DGKK: variants seen among roughly 807,000 people sequenced by gnomAD.
The protein encoded by DGKK is diacylglycerol kinase kappa.
DGKK carries 35 observed loss-of-function variants against 92.2 expected under a neutral mutation model. The observed-to-expected ratio is 0.38, with a 90% confidence interval of 0.29 to 0.50. DGKK has a LOEUF of 0.50. DGKK is among the 20% of genes least tolerant of loss of function. The probability of loss-of-function intolerance (pLI) is 0.92; values close to 1 mark genes in which losing one functional copy is unlikely to be tolerated. For missense variants in DGKK, 910 were observed against 992.2 expected (o/e 0.92, Z 1.11); for synonymous variants, 368 against 360.6 (o/e 1.02, Z -0.23).
intron 8 of DGKK, among the ~76,000 whole-genome samples, chrX:50,393,920 A>C (rs1924767505): frequency 8.9e-6 from 1 of 112,532 alleles, no homozygotes; most frequent in African/African-American, 3.2e-5. Context: ...GTTGCAGAGC[A>C]ATCTGTGTTA....
At chrX:50,417,775 C>T (rs1484154305) in intron 4 of DGKK, among the ~76,000 whole-genome samples, 2 of 110,621 alleles carry the variant, frequency 1.8e-5, no homozygotes, top group Non-Finnish European at 3.8e-5. Context: ...CTAACCCATC[C>T]TGTATTTCTA....
Position 50,393,351 on chromosome X carries a change from G to A in DGKK, c.1412-16C>T. ...ACTAATTGGCCTGACACAACGAAAA[G>A]AAAAAGAAGAAAAAAAAGAACGGAC... On this transcript the variant is annotated splice_polypyrimidine_tract_variant and intron_variant, in intron 8 of 27. Coordinates refer to ENST00000611977, the MANE Select transcript of DGKK (RefSeq NM_001013742.4). The A allele has an allele frequency of 5.2e-6, 6 of 1,157,371 alleles. No individual in the cohort carries two copies. The highest frequency in any genetic ancestry group is 2.5e-5 in the Admixed American group (1 of 40,221).
intron 1 of DGKK, among the ~76,000 whole-genome samples, chrX:50,448,446 T>G (rs1313721315): frequency 9.0e-6 from 1 of 110,956 alleles, no homozygotes; most frequent in Non-Finnish European, 1.9e-5. Context: ...AGGACTTGAC[T>G]AAAAGACATA....
chrX:50,420,849 A>C (rs782107792), intron 3 of DGKK, among the ~76,000 whole-genome samples: 1 of 111,880 alleles, frequency 8.9e-6, no homozygotes, highest in South Asian at 3.8e-4. Flanking sequence ...CCAAGACAAA[A>C]AGAGTTAAAT....
chrX:50,420,409 A>C lies in DGKK; in HGVS notation c.936T>G (p.Ile312Met). The C allele has an allele frequency of 8.3e-7, 1 of 1,207,456 alleles. No homozygotes were observed. The highest frequency in any genetic ancestry group is 1.1e-6 in the Non-Finnish European group (1 of 892,654). The part of the protein sequence containing the change: ...NIIKTIQQGE[I>M]YKIPAAENNP... ...TCTCTACTAGTTTTCTTACCTTATA[A>C]ATTTCTCCCTGTTGGATGGTTTTTA... is the stretch of plus-strand genomic sequence containing the variant. The change falls in exon 4 of 28, where the codon ATT (isoleucine) becomes ATG (methionine). Residue 312 changes from isoleucine (I) to methionine (M), a missense_variant. Coordinates refer to ENST00000611977, the MANE Select transcript of DGKK (RefSeq NM_001013742.4).
At chrX:50,445,462 G>A (rs868971155) in intron 1 of DGKK, among the ~76,000 whole-genome samples, 2 of 111,047 alleles carry the variant, frequency 1.8e-5, no homozygotes, top group Non-Finnish European at 3.8e-5. Context: ...TTTGTATATG[G>A]TGTAAGGAAG....
At chrX:50,409,745 C>T (rs183834767) in intron 4 of DGKK, among the ~76,000 whole-genome samples, 9 of 111,524 alleles carry the variant, frequency 8.1e-5, no homozygotes, top group African/African-American at 2.9e-4. Context: ...TTGTGTACCC[C>T]CTTCATATCA....
intron 1 of DGKK, among the ~76,000 whole-genome samples, chrX:50,439,391 T>G (rs1926114618): frequency 8.9e-6 from 1 of 111,739 alleles, no homozygotes; most frequent in Non-Finnish European, 1.9e-5. Flanking sequence ...CAATTTTATC[T>G]GTAAAAATAC....
chrX:50,464,298 TA>T (rs1191305794), intron 1 of DGKK, among the ~76,000 whole-genome samples: 6 of 109,897 alleles, frequency 5.5e-5, no homozygotes, highest in East Asian at 2.8e-4. Flanking sequence ...TTTTAAATCT[TA>T]AAAAAAATTG....
intron 1 of DGKK, among the ~76,000 whole-genome samples, chrX:50,464,790 C>T (rs1926852592): frequency 9.0e-6 from 1 of 111,088 alleles, no homozygotes; most frequent in African/African-American, 3.3e-5. Context: ...AATTTACATA[C>T]CATAAAATTC....
rs782409249 is a variant in DGKK, at chrX:50,387,556, T to A, written c.2116A>T (p.Lys706Ter). The change falls in exon 14 of 28, where the codon AAA (lysine) becomes TAA (stop). Residue 706 changes from lysine (K) to a stop codon, truncating the protein, a stop_gained and splice_region_variant. Coordinates refer to ENST00000611977, the MANE Select transcript of DGKK (RefSeq NM_001013742.4). LOFTEE classifies it high-confidence loss of function. ...AGACAAAAGGAATGGGAACTTACTT[T>A]CAAAATCACAGACACTATTGCAGTG... ...NNTAIVSVIL[K>*]SDLMYDRLSV... 1 of 1,198,394 alleles carries A rather than the reference T, an allele frequency of 8.3e-7. No homozygotes were observed. The highest frequency in any genetic ancestry group is 1.8e-5 in the South Asian group (1 of 56,234).
chrX:50,380,216 C>T (rs782521985), intron 18 of DGKK, 139 bp from the exon 19 acceptor site: 53 of 480,394 alleles, frequency 1.1e-4, no homozygotes, highest in South Asian at 1.1e-4. Context: ...AACTGGACAG[C>T]GGTTAATGTA....
At chrX:50,433,960 G>A (rs939099688) in intron 1 of DGKK, among the ~76,000 whole-genome samples, 1 of 111,446 alleles carries the variant, frequency 9.0e-6, no homozygotes, top group African/African-American at 3.3e-5. Context: ...CATAAAAAGT[G>A]ACAAAGCAAT....
chrX:50,450,571 T>C (rs1418401507), intron 1 of DGKK, among the ~76,000 whole-genome samples: 2 of 112,050 alleles, frequency 1.8e-5, no homozygotes, highest in African/African-American at 6.5e-5. Flanking sequence ...CATTTGTCTG[T>C]CTTCTAAGGT....
rs782192842 is a variant in DGKK at position 50,451,309 on chromosome X, G to A, written c.645+18725C>T. Among the ~76,000 whole-genome samples, 9 of 111,095 alleles carry A rather than the reference G, an allele frequency of 8.1e-5. 1 individual carries two copies. The Admixed American group carries it at 8.6e-4, about 11-fold the overall frequency. ...AGTTTCTCCAGCAATTTCTTCAGCA[G>A]TTGGAATAAAGTTAATACAAAACTT... On this transcript the variant is annotated intron_variant, in intron 1 of 27. Coordinates refer to ENST00000611977, the MANE Select transcript of DGKK (RefSeq NM_001013742.4).
At chrX:50,443,321 G>T (rs1488386694) in intron 1 of DGKK, among the ~76,000 whole-genome samples, 2 of 111,143 alleles carry the variant, frequency 1.8e-5, no homozygotes, top group Non-Finnish European at 3.8e-5. Flanking sequence ...CTATGCCAGA[G>T]AACTAACATC....
intron 1 of DGKK, among the ~76,000 whole-genome samples, chrX:50,443,322 A>C (rs1245364750): frequency 9.0e-6 from 1 of 111,352 alleles, no homozygotes; most frequent in Non-Finnish European, 1.9e-5. Flanking sequence ...TATGCCAGAG[A>C]ACTAACATCT....
intron 9 of DGKK, 57 bp downstream of exon 9, chrX:50,393,095 T>A: frequency 1.0e-6 from 1 of 980,922 alleles, no homozygotes. Flanking sequence ...TAGTTTAGAA[T>A]GTATAGAAGG....
chrX:50,440,419 T>C (rs1557231187), intron 1 of DGKK, among the ~76,000 whole-genome samples: 1 of 111,899 alleles, frequency 8.9e-6, no homozygotes, highest in African/African-American at 3.2e-5. Flanking sequence ...GTAACATCTA[T>C]GACTTTACTG....
Sources: gnomAD v4.1 joint callset for allele counts (sites outside exome capture counted in the v4.1 genomes callset) on GRCh38, gnomAD v4.1.1 for gene constraint, MANE v1.5 for transcripts, NCBI Gene and HGNC (gene_info 2026-07-23, HGNC 2026-07-21) for gene names.